SNTG2: variants seen among roughly 807,000 people sequenced by gnomAD.
SNTG2 encodes gamma-2-syntrophin.
SNTG2 carries 74 observed loss-of-function variants against 70.9 expected under a neutral mutation model. The observed-to-expected ratio is 1.04, with a 90% CI of 0.86 to 1.27. The LOEUF (loss-of-function observed/expected upper bound fraction) is 1.27, where lower values mean the gene tolerates loss of function less well. Ranked by LOEUF, SNTG2 falls within the 50% of genes most tolerant of loss-of-function variation. The pLI is 0.00. For missense variants in SNTG2, 717 were observed against 690.7 expected (o/e 1.04, Z -0.43); for synonymous variants, 278 against 273.8 (o/e 1.02, Z -0.15).
intron 16 of SNTG2, among the ~76,000 whole-genome samples, chr2:1,352,208 G>A (rs563714237): frequency 1.3e-5 from 2 of 152,180 alleles, no homozygotes; most frequent in Non-Finnish European, 2.9e-5. Context: ...TGAAAATGAC[G>A]AGTTGCAACC....
intron 9 of SNTG2, among the ~76,000 whole-genome samples, chr2:1,228,010 C>G (rs1675910090): frequency 6.6e-6 from 1 of 152,164 alleles, no homozygotes; most frequent in Non-Finnish European, 1.5e-5. Context: ...TGAGACAGCA[C>G]CTGCAGTGTC....
intron 4 of SNTG2, among the ~76,000 whole-genome samples, chr2:1,130,437 CA>C (rs1161807145): frequency 1.3e-5 from 2 of 151,930 alleles, no homozygotes; most frequent in Non-Finnish European, 2.9e-5. Flanking sequence ...TCTTTTTTTG[CA>C]TTACAATTTT....
intron 13 of SNTG2, among the ~76,000 whole-genome samples, chr2:1,263,488 A>T (rs975240075): frequency 1.3e-5 from 2 of 152,126 alleles, no homozygotes; most frequent in African/African-American, 4.8e-5. Context: ...GTAATTTTAG[A>T]ATACAACCCT....
chr2:951,062 T>C lies in SNTG2; in HGVS notation c.66T>C (p.Pro22=). The change falls in exon 1 of 17, where the codon CCT becomes CCC. Residue 22 remains proline, a synonymous_variant. Transcript: ENST00000308624. ...GACGCCAGGGCTGCCTGCTGGTACC[T>C]GCGCGGGTGAGTGCGGCCCCTCAGC... is the stretch of plus-strand genomic sequence containing the variant. The part of the protein sequence containing the change: ...SRGRQGCLLV[P]ARTKTTIALL... 2 of 1,266,284 alleles carry C rather than the reference T, an allele frequency of 1.6e-6. No homozygotes were observed. Among genetic ancestry groups the C allele is most frequent in the Non-Finnish European group, 2.0e-6 (2 of 1,009,032 alleles). The allele number at this position is 1,266,284 out of a possible 1,614,324, so 78.4% of individuals were successfully genotyped here.
At chr2:1,187,902 G>C (rs958232614) in intron 8 of SNTG2, among the ~76,000 whole-genome samples, 4 of 152,150 alleles carry the variant, frequency 2.6e-5, no homozygotes, top group African/African-American at 4.8e-5. Flanking sequence ...AGACTTGTTC[G>C]CACAAAGAGA....
At chr2:1,155,176 C>A (rs115107704) in intron 6 of SNTG2, among the ~76,000 whole-genome samples, 127,478 of 147,292 alleles carry the variant, frequency 0.87, 54,419 homozygotes, top group Middle Eastern at 0.94. Flanking sequence ...TAGACCCCCC[C>A]CCCACACACA....
At chr2:1,294,869 G>A (rs1409003686) in intron 14 of SNTG2, among the ~76,000 whole-genome samples, 1 of 152,198 alleles carries the variant, frequency 6.6e-6, no homozygotes, top group East Asian at 1.9e-4. Flanking sequence ...AATCAAGCCT[G>A]CAGAATCATA....
intron 14 of SNTG2, among the ~76,000 whole-genome samples, chr2:1,272,592 C>T (rs1679087909): frequency 1.4e-5 from 2 of 145,930 alleles, no homozygotes; most frequent in Non-Finnish European, 3.0e-5. Flanking sequence ...TCCCAGGGAG[C>T]AGGTGTAGAA....
intron 8 of SNTG2, among the ~76,000 whole-genome samples, chr2:1,174,372 G>T (rs1412397146): frequency 6.6e-6 from 1 of 151,832 alleles, no homozygotes; most frequent in Non-Finnish European, 1.5e-5. Context: ...TCTGAGATTT[G>T]CATGTTTACT....
chr2:1,307,157 G>C (rs1196190708), intron 14 of SNTG2, among the ~76,000 whole-genome samples: 2 of 141,586 alleles, frequency 1.4e-5, no homozygotes, highest in Non-Finnish European at 3.0e-5. Flanking sequence ...GCCATGTGCT[G>C]TGTGTGTGTG....
chr2:1,071,697 T>C (rs1265683294), intron 1 of SNTG2, among the ~76,000 whole-genome samples: 1 of 150,794 alleles, frequency 6.6e-6, no homozygotes. Context: ...GGGTGTCGTG[T>C]TGAATGCTTA....
intron 1 of SNTG2, among the ~76,000 whole-genome samples, chr2:1,055,368 G>A (rs1378640418): frequency 1.3e-5 from 2 of 152,088 alleles, no homozygotes; most frequent in East Asian, 1.9e-4. Flanking sequence ...AGTGGGTACC[G>A]TTTTCTGATG....
chr2:1,056,061 G>A (rs1662374173), intron 1 of SNTG2, among the ~76,000 whole-genome samples: 1 of 151,988 alleles, frequency 6.6e-6, no homozygotes, highest in Non-Finnish European at 1.5e-5. Flanking sequence ...CAGGGAGAAG[G>A]GGTGAGGCAG....
At position 1,094,730 on chromosome 2, in the gene SNTG2, C is replaced by T. The variant is rs56386727; in HGVS notation, c.211-3466C>T. 1.0e-4 allele frequency among the ~76,000 whole-genome samples: 6 copies of T among 57,354 alleles called. 1 individual carries two copies. The highest frequency in any genetic ancestry group is 1.8e-4 in the Non-Finnish European group (6 of 33,102). 37.6% of individuals were successfully genotyped at this position (57,354 alleles called of 152,430 possible). A position where few individuals can be genotyped will look rare whatever the true frequency, so the allele number is the denominator to read the frequency against. Reference sequence around the variant, plus strand: ...TACTGGCAAGGGCTGGCTTCCTGGACTGCAGGCGAAGGCCTTATAGGTGTG... The same window carrying T: ...TACTGGCAAGGGCTGGCTTCCTGGATTGCAGGCGAAGGCCTTATAGGTGTG... On this transcript the variant is annotated intron_variant, in intron 2 of 16. Coordinates refer to ENST00000308624, the MANE Select transcript of SNTG2 (RefSeq NM_018968.4).
intron 1 of SNTG2, among the ~76,000 whole-genome samples, chr2:1,063,572 A>G (rs1388045361): frequency 2.0e-5 from 3 of 152,218 alleles, no homozygotes; most frequent in African/African-American, 7.2e-5. Context: ...GAGACTGGAA[A>G]ATAACTATGA....
chr2:1,364,737 CAAAAAAAAA>C (rs371977526), intron 16 of SNTG2, among the ~76,000 whole-genome samples: 1 of 132,014 alleles, frequency 7.6e-6, no homozygotes, highest in Admixed American at 7.6e-5. Context: ...CTAAAAATAC[CAAAAAAAAA>C]AAAAAAAAAA....
chr2:1,061,276 T>A (rs1483669129), intron 1 of SNTG2, among the ~76,000 whole-genome samples: 1 of 152,172 alleles, frequency 6.6e-6, no homozygotes, highest in East Asian at 1.9e-4. Flanking sequence ...GTGGAAAGAA[T>A]GATGATAAAC....
At chr2:1,203,831 G>A (rs1673459946) in intron 8 of SNTG2, among the ~76,000 whole-genome samples, 1 of 151,854 alleles carries the variant, frequency 6.6e-6, no homozygotes, top group Non-Finnish European at 1.5e-5. Flanking sequence ...TGAAAAAAAT[G>A]GGGCTTATTT....
intron 1 of SNTG2, among the ~76,000 whole-genome samples, chr2:1,070,795 G>A (rs1008656541): frequency 3.9e-5 from 6 of 152,238 alleles, no homozygotes; most frequent in Non-Finnish European, 8.8e-5. Context: ...TCTGCAGCAA[G>A]CAGGTGAACC....
Sources: gnomAD v4.1 joint callset for allele counts (sites outside exome capture counted in the v4.1 genomes callset) on GRCh38, gnomAD v4.1.1 for gene constraint, MANE v1.5 for transcripts, NCBI Gene and HGNC (gene_info 2026-07-23, HGNC 2026-07-21) for gene names.